Variants in LRRC31 observed in about 807,000 individuals in gnomAD.
LRRC31 encodes the protein leucine-rich repeat-containing protein 31.
LRRC31 carries 35 observed loss-of-function variants against 46.7 expected under a neutral mutation model. That is an observed-to-expected ratio of 0.75 (90% CI 0.57 to 0.99). The LOEUF is 0.99. LRRC31 is among the 50% of genes least tolerant of loss of function. The pLI is 0.00. For synonymous variants in LRRC31, 236 were observed against 235.1 expected (o/e 1.00, Z -0.03); for missense variants, 613 against 626.1 (o/e 0.98, Z 0.22).
Position 169,861,692 on chromosome 3 carries a change from T to C in LRRC31, c.297A>G (p.Thr99=). ...KCLDLNNCGL[T]TADMKEMVAL... ...GACCCATTTCTTTCATGTCCGCTGTTGTTAATCCACAGTTATTCAAATCTA... is the reference window on the plus strand; with the variant it reads ...GACCCATTTCTTTCATGTCCGCTGTCGTTAATCCACAGTTATTCAAATCTA... Residue 99 remains threonine, a synonymous_variant, in exon 2 of 9, where the codon ACA becomes ACG. Transcript: ENST00000316428. The C allele has an allele frequency of 6.2e-7, 1 of 1,614,128 alleles. No homozygotes were observed. The highest frequency in any genetic ancestry group is 2.2e-5 in the East Asian group (1 of 44,886).
At chr3:169,847,166 T>C (rs987010740) in intron 8 of LRRC31, among the ~76,000 whole-genome samples, 4 of 152,098 alleles carry the variant, frequency 2.6e-5, no homozygotes, top group African/African-American at 4.8e-5. Flanking sequence ...AGTGGAAACA[T>C]AGAATGAGTT....
rs763790487 is a variant in LRRC31, at chr3:169,856,866, G to T, written c.494C>A (p.Ala165Glu). 52 of 1,602,184 alleles carry T rather than the reference G, an allele frequency of 3.2e-5. No individual in the cohort carries two copies. The highest frequency in any genetic ancestry group is 4.4e-5 in the Non-Finnish European group (52 of 1,175,246). Reference protein sequence around the residue: ...TTDDVQALGEAFEMIPELEEL... With the variant: ...TTDDVQALGEEFEMIPELEEL... ...TTCAAGTTCAGGAATCATCTCAAAT[G>T]CTTCTCCTGTTAACAAATGGCCCGA... The change falls in exon 4 of 9, where the codon GCA (alanine) becomes GAA (glutamate). Residue 165 changes from alanine (A) to glutamate (E), a missense_variant. By Grantham distance (107) the Ala-to-Glu change is moderately radical (BLOSUM62 -1). Coordinates refer to ENST00000316428, the MANE Select transcript of LRRC31 (RefSeq NM_024727.4).
intron 6 of LRRC31, among the ~76,000 whole-genome samples, chr3:169,852,402 C>CAAAA (rs11344242): frequency 1.6e-4 from 14 of 88,466 alleles, no homozygotes; most frequent in Admixed American, 7.5e-4. Context: ...GACTCCGTCT[C>CAAAA]AAAAAAAAAA....
rs796422498 is a variant in LRRC31 at position 169,839,339 on chromosome 3, A to T, written c.*643T>A. The T allele has an allele frequency of 1.3e-5, 2 of 152,242 alleles. No homozygotes were observed. Among genetic ancestry groups the T allele is most frequent in the African/African-American group, 4.8e-5 (2 of 41,470 alleles). The allele number at this position is 152,242 out of a possible 1,614,324, so 9.4% of individuals were successfully genotyped here. On this transcript the variant is annotated 3_prime_UTR_variant, in exon 9 of 9. Transcript: ENST00000316428. The stretch of plus-strand genomic sequence containing the variant: ...TTTTAATCACTTTTTACTAAGATTT[A>T]TATGTCAGTGACTATCATTACTGTT...
At position 169,840,169 on chromosome 3, in the gene LRRC31, C is replaced by T. The variant is rs755230073; in HGVS notation, c.1472G>A (p.Arg491Gln). 5 of 1,614,090 alleles carry T rather than the reference C, an allele frequency of 3.1e-6. No individual in the cohort carries two copies. Among genetic ancestry groups the T allele is most frequent in the South Asian group, 2.2e-5 (2 of 91,064 alleles). The change falls in exon 9 of 9, where the codon CGA (arginine) becomes CAA (glutamine). Residue 491 changes from arginine to glutamine, a missense_variant. By Grantham distance (43) the Arg-to-Gln change is conservative. Transcript: ENST00000316428. The stretch of plus-strand genomic sequence containing the variant: ...TCCACAATCTCGAAAATTTGATGGT[C>T]GAAGGCTAATATCCAGCTCGATTAG... ...KELIELDISL[R>Q]PSNFRDCGQW...
chr3:169,844,444 T>C (rs570835644), intron 8 of LRRC31, among the ~76,000 whole-genome samples: 2 of 152,230 alleles, frequency 1.3e-5, no homozygotes, highest in Admixed American at 1.3e-4. Flanking sequence ...CTTAACCTGA[T>C]AAAGGGTAGC....
intron 3 of LRRC31, among the ~76,000 whole-genome samples, chr3:169,858,056 A>T (rs1383898590): frequency 1.3e-5 from 2 of 152,168 alleles, no homozygotes; most frequent in Non-Finnish European, 2.9e-5. Context: ...TCGGTACTAA[A>T]CTATTATAAT....
chr3:169,851,720 C>G lies in LRRC31; in HGVS notation c.1058G>C (p.Ser353Thr). The G allele has an allele frequency of 6.2e-7, 1 of 1,614,100 alleles. No homozygotes were observed. The highest frequency in any genetic ancestry group is 8.5e-7 in the Non-Finnish European group (1 of 1,179,952). The stretch of plus-strand genomic sequence containing the variant: ...CCTGCTGAGTAAGTTTTCAGAAGAA[C>G]TGCCCATCTTTTTGTTGGCTGATAA... ...LDLSANKKMG[S>T]SSENLLSRLR... The change falls in exon 7 of 9, where the codon AGT becomes ACT. Residue 353 changes from serine (S) to threonine (T), a missense_variant. Coordinates refer to ENST00000316428, the MANE Select transcript of LRRC31 (RefSeq NM_024727.4).
intron 3 of LRRC31, among the ~76,000 whole-genome samples, chr3:169,857,298 A>G (rs1388233429): frequency 1.5e-5 from 2 of 136,886 alleles, no homozygotes. Flanking sequence ...GCTCTCTCCA[A>G]TGTCAAGAAT....
intron 3 of LRRC31, among the ~76,000 whole-genome samples, chr3:169,860,326 C>G (rs1427745084): frequency 6.6e-6 from 1 of 151,318 alleles, no homozygotes; most frequent in Non-Finnish European, 1.5e-5. Flanking sequence ...CTCCCAGGTT[C>G]AAGCGATCCT....
intron 3 of LRRC31, among the ~76,000 whole-genome samples, chr3:169,857,219 G>C (rs1560629762): frequency 6.7e-6 from 1 of 150,270 alleles, no homozygotes; most frequent in Non-Finnish European, 1.5e-5. Context: ...TCTGGGATCA[G>C]CATTTCTGAG....
Position 169,839,973 on chromosome 3 carries a change from G to A in LRRC31, c.*9C>T. On this transcript the variant is annotated 3_prime_UTR_variant, in exon 9 of 9. Transcript: ENST00000316428. ...TGGTTTGTAGCTTAGTAGGACATGGGAAATCAGTTTACTGAAACCCACCAT... is the reference window on the plus strand; with the variant it reads ...TGGTTTGTAGCTTAGTAGGACATGGAAAATCAGTTTACTGAAACCCACCAT... 1.3e-6 allele frequency: 2 copies of A among 1,596,852 alleles called. No individual in the cohort carries two copies. The highest frequency in any genetic ancestry group is 1.7e-4 in the Middle Eastern group (1 of 5,982).
rs1324128884 is a variant in LRRC31 at position 169,867,038 on chromosome 3, G to GTTTTTTTT, written c.175+2587_175+2594dup. 2.1e-3 allele frequency among the ~76,000 whole-genome samples: 260 copies of GTTTTTTTT among 126,264 alleles called. 47 individuals are homozygous for GTTTTTTTT. The highest frequency in any genetic ancestry group is 0.01 in the African/African-American group (230 of 22,184). 82.8% of individuals were successfully genotyped at this position (126,264 alleles called of 152,430 possible). ...GTCTCAGAAAGAAAATTGGCCATGG[G>GTTTTTTTT]TTTTTTTTGTTTGTTTGTTTGTTTT... is the stretch of plus-strand genomic sequence containing the variant. On this transcript the variant is annotated intron_variant, in intron 1 of 8. Coordinates refer to ENST00000316428, the MANE Select transcript of LRRC31 (RefSeq NM_024727.4).
chr3:169,851,537 C>A (rs780720380), intron 7 of LRRC31, 82 bp downstream of exon 7: 5 of 1,386,562 alleles, frequency 3.6e-6, no homozygotes, highest in African/African-American at 2.9e-5. Flanking sequence ...ACTGGCTGAG[C>A]CTTGGAATGA....
Position 169,840,138 on chromosome 3 carries a change from C to A in LRRC31, c.1503G>T (p.Trp501Cys). Residue 501 changes from tryptophan to cysteine, a missense_variant, in exon 9 of 9, where the codon TGG (tryptophan) becomes TGT (cysteine). Coordinates refer to ENST00000316428, the MANE Select transcript of LRRC31 (RefSeq NM_024727.4). The part of the protein sequence containing the change: ...RPSNFRDCGQ[W>C]FRHLLYAVTK... ...TCACAGCATATAACAAGTGTCTAAA[C>A]CATTGTCCACAATCTCGAAAATTTG... 1 of 1,614,102 alleles carries A rather than the reference C, an allele frequency of 6.2e-7. No individual in the cohort carries two copies. The highest frequency in any genetic ancestry group is 8.5e-7 in the Non-Finnish European group (1 of 1,180,014).
At chr3:169,846,139 C>T (rs549542017) in intron 8 of LRRC31, among the ~76,000 whole-genome samples, 1 of 152,242 alleles carries the variant, frequency 6.6e-6, no homozygotes, top group South Asian at 2.1e-4. Flanking sequence ...TAGGGAAATG[C>T]GAATTAAAAT....
intron 8 of LRRC31, 58 bp from the exon 9 acceptor site, chr3:169,840,371 T>C: frequency 6.7e-7 from 1 of 1,500,352 alleles, no homozygotes. Context: ...GCCATGGCTA[T>C]TCCCATTTCC....
intron 5 of LRRC31, among the ~76,000 whole-genome samples, chr3:169,856,070 A>C (rs1420068679): frequency 1.3e-5 from 2 of 151,766 alleles, no homozygotes; most frequent in African/African-American, 4.8e-5. Flanking sequence ...TTTAGTAGAG[A>C]TGGGGTTTCA....
chr3:169,842,362 G>A (rs1037278192), intron 8 of LRRC31, among the ~76,000 whole-genome samples: 2 of 151,976 alleles, frequency 1.3e-5, no homozygotes, highest in African/African-American at 4.8e-5. Flanking sequence ...TGTTGTTTTT[G>A]TTTTTTTGAG....
Sources: allele counts gnomAD v4.1 joint callset (sites outside exome capture counted in the v4.1 genomes callset), GRCh38; gene constraint gnomAD v4.1.1; transcripts MANE v1.5; gene names NCBI Gene and HGNC (gene_info 2026-07-23, HGNC 2026-07-21).